The following SHANK2 variants were observed in gnomAD, a reference collection of about 807,000 sequenced individuals.
SHANK2 encodes the protein SH3 and multiple ankyrin repeat domains 2.
SHANK2 carries 43 observed loss-of-function variants against 133.7 expected under a neutral mutation model. The ratio of observed to expected loss-of-function variants is 0.32; its 90% CI spans 0.25 to 0.41. The LOEUF (loss-of-function observed/expected upper bound fraction) is 0.41, where lower values mean the gene tolerates loss of function less well. SHANK2 is among the 10% of genes least tolerant of loss of function. The pLI is 1.00. For synonymous variants in SHANK2, 1,017 were observed against 952.8 expected (o/e 1.07, Z -1.24); for missense variants, 1,994 against 2,235.8 (o/e 0.89, Z 2.18).
chr11:70,519,905 ATTTTTTT>A lies in SHANK2; in HGVS notation c.2062-16981_2062-16975del, dbSNP rs781977357. On this transcript the variant is annotated intron_variant, in intron 17 of 25. Coordinates refer to ENST00000601538, the MANE Select transcript of SHANK2 (RefSeq NM_012309.5). Reference sequence around the variant, plus strand: ...CCACAGGCATGCACCACCATGCCTAATTTTTTTTTTTTTTTTTTTTTTTTTAAAGGCA... The same window carrying A: ...CCACAGGCATGCACCACCATGCCTAATTTTTTTTTTTTTTTTTTAAAGGCA... Among the ~76,000 whole-genome samples the A allele has an allele frequency of 2.1e-3, 252 of 121,446 alleles. 1 individual carries two copies. Among genetic ancestry groups the A allele is most frequent in the African/African-American group, 5.5e-3 (179 of 32,280 alleles). 79.7% of individuals were successfully genotyped at this position (121,446 alleles called of 152,430 possible). A position where few individuals can be genotyped will look rare whatever the true frequency, so the allele number is the denominator to read the frequency against.
At chr11:70,567,142 G>C (rs540299447) in intron 17 of SHANK2, among the ~76,000 whole-genome samples, 11 of 152,284 alleles carry the variant, frequency 7.2e-5, no homozygotes, top group African/African-American at 1.7e-4. Flanking sequence ...TTGATGGAGA[G>C]GTGTCTGCAG....
chr11:70,717,549 C>T lies in SHANK2; in HGVS notation c.1778-18786G>A, dbSNP rs544049848. On this transcript the variant is annotated intron_variant, in intron 14 of 25. Coordinates refer to ENST00000601538, the MANE Select transcript of SHANK2 (RefSeq NM_012309.5). ...CCCTAAAACACACCAAGTGCAAAGC[C>T]ATTGCCACCCCGTCTCACCAAGCGC... is the stretch of plus-strand genomic sequence containing the variant. Among the ~76,000 whole-genome samples, 4 of 152,324 alleles carry T rather than the reference C, an allele frequency of 2.6e-5. No homozygotes were observed. In the East Asian group the frequency reaches 5.8e-4, roughly 22 times the overall value.
intron 17 of SHANK2, among the ~76,000 whole-genome samples, chr11:70,521,864 C>T (rs1301008860): frequency 6.6e-6 from 1 of 152,256 alleles, no homozygotes; most frequent in Non-Finnish European, 1.5e-5. Flanking sequence ...AGCCACATGT[C>T]CTCGCTGCAA....
chr11:70,950,415 T>C (rs1950816091), intron 10 of SHANK2, among the ~76,000 whole-genome samples: 1 of 152,146 alleles, frequency 6.6e-6, no homozygotes, highest in Admixed American at 6.5e-5. Flanking sequence ...GGTCTCGAAC[T>C]CCTGACCTCA....
At chr11:70,647,195 A>AT (rs1225833814) in intron 17 of SHANK2, 1 of 152,162 alleles carries the variant, frequency 6.6e-6, no homozygotes, top group Non-Finnish European at 1.5e-5. Context: ...GCACAAAGCA[A>AT]TATCTTTTGG....
chr11:70,581,783 G>C (rs1265074405), intron 17 of SHANK2, among the ~76,000 whole-genome samples: 2 of 152,188 alleles, frequency 1.3e-5, no homozygotes, highest in African/African-American at 4.8e-5. Flanking sequence ...TGAGTATAGA[G>C]AGTCCAGCCC....
At chr11:71,250,929 T>G (rs1948167132) in intron 1 of SHANK2, among the ~76,000 whole-genome samples, 1 of 152,158 alleles carries the variant, frequency 6.6e-6, no homozygotes, top group Non-Finnish European at 1.5e-5. Flanking sequence ...TTGGCCTCAT[T>G]AACGTTCGAA....
chr11:71,198,664 C>A (rs1430073231), intron 2 of SHANK2, among the ~76,000 whole-genome samples: 3 of 152,204 alleles, frequency 2.0e-5, no homozygotes, highest in African/African-American at 7.2e-5. Flanking sequence ...TGGGCCAAGA[C>A]CAGACTCCCT....
intron 3 of SHANK2, among the ~76,000 whole-genome samples, chr11:71,124,315 G>C (rs1555102262): frequency 8.2e-6 from 1 of 122,592 alleles, no homozygotes; most frequent in African/African-American, 3.0e-5. Flanking sequence ...TGATGATAGT[G>C]ATGGTGATCA....
At chr11:70,602,119 C>T (rs1027747920) in intron 17 of SHANK2, among the ~76,000 whole-genome samples, 8 of 152,172 alleles carry the variant, frequency 5.3e-5, no homozygotes, top group Non-Finnish European at 8.8e-5. Context: ...GCAGCTCCCC[C>T]TTGCTTGCTT....
At chr11:70,554,489 T>A (rs1338407738) in intron 17 of SHANK2, among the ~76,000 whole-genome samples, 2 of 122,686 alleles carry the variant, frequency 1.6e-5, no homozygotes, top group Non-Finnish European at 3.5e-5. Flanking sequence ...TTTGGAACAT[T>A]TTTGGATTTA....
At chr11:70,751,570 G>C (rs1026556830) in intron 14 of SHANK2, among the ~76,000 whole-genome samples, 2 of 152,108 alleles carry the variant, frequency 1.3e-5, no homozygotes, top group Non-Finnish European at 2.9e-5. Flanking sequence ...TGAAAGTCAG[G>C]AATAAAGAAG....
At position 70,584,975 on chromosome 11, in the gene SHANK2, G is replaced by A. The variant is rs886135814; in HGVS notation, c.2061+74853C>T. Among the ~76,000 whole-genome samples, 4 of 152,334 alleles carry A rather than the reference G, an allele frequency of 2.6e-5. No homozygotes were observed. The East Asian group carries it at 5.8e-4, about 22-fold the overall frequency. Reference sequence around the variant, plus strand: ...CATGCTGGTGCCTGAGATCGTCAGCGGAGACGCAGAGGCCTAAGGGCTGGA... The same window carrying A: ...CATGCTGGTGCCTGAGATCGTCAGCAGAGACGCAGAGGCCTAAGGGCTGGA... On this transcript the variant is annotated intron_variant, in intron 17 of 25. Transcript: ENST00000601538.
intron 9 of SHANK2, among the ~76,000 whole-genome samples, chr11:71,065,944 A>G (rs1488378160): frequency 3.7e-5 from 3 of 81,442 alleles, no homozygotes; most frequent in Admixed American, 1.3e-4. Flanking sequence ...GGGGCGGGGT[A>G]CAGAAGTCTC....
At chr11:70,764,793 C>G (rs143624099) in intron 14 of SHANK2, among the ~76,000 whole-genome samples, 1 of 151,498 alleles carries the variant, frequency 6.6e-6, no homozygotes, top group East Asian at 2.0e-4. Flanking sequence ...TCCACTCACA[C>G]ATCCATCTGT....
chr11:70,527,241 C>T (rs2135955938), intron 17 of SHANK2, among the ~76,000 whole-genome samples: 1 of 152,308 alleles, frequency 6.6e-6, no homozygotes, highest in Admixed American at 6.5e-5. Flanking sequence ...TGTCCCCACC[C>T]CCAGGACTCC....
At chr11:71,201,663 A>C (rs1053353753) in intron 2 of SHANK2, among the ~76,000 whole-genome samples, 1 of 152,218 alleles carries the variant, frequency 6.6e-6, no homozygotes, top group African/African-American at 2.4e-5. Context: ...AAGGCTGAGA[A>C]GTATAGGTCA....
chr11:70,694,787 C>T (rs183921510), intron 15 of SHANK2, among the ~76,000 whole-genome samples: 1 of 152,312 alleles, frequency 6.6e-6, no homozygotes, highest in East Asian at 1.9e-4. Flanking sequence ...CTACTCATCT[C>T]TGTCCACAAG....
intron 2 of SHANK2, among the ~76,000 whole-genome samples, chr11:71,172,605 A>AAAAAAAAG (rs1555112431): frequency 2.1e-4 from 32 of 151,432 alleles, no homozygotes; most frequent in African/African-American, 7.7e-4. Context: ...CTCAAAAAAA[A>AAAAAAAAG]AAAAAAAGAA....
Sources: allele counts gnomAD v4.1 joint callset (sites outside exome capture counted in the v4.1 genomes callset), GRCh38; gene constraint gnomAD v4.1.1; transcripts MANE v1.5; gene names NCBI Gene and HGNC (gene_info 2026-07-23, HGNC 2026-07-21).